KANSL1L: variants seen among roughly 807,000 people sequenced by gnomAD.
The protein encoded by KANSL1L is KAT8 regulatory NSL complex subunit 1 like, also known as KAT8 regulatory NSL complex subunit 1-like protein.
Under a neutral mutation model 108.6 loss-of-function variants are expected in KANSL1L, and 25 were observed. The ratio of observed to expected loss-of-function variants is 0.23; its 90% confidence interval spans 0.17 to 0.32. KANSL1L has a LOEUF of 0.32. Among genes scored for constraint, KANSL1L ranks in the 10% least tolerant of loss-of-function variants. The pLI is 1.00. For synonymous variants in KANSL1L, 405 were observed against 395.1 expected, an observed-to-expected ratio of 1.03 and a Z score of -0.30; for missense variants, 1,137 against 1,125.7, an observed-to-expected ratio of 1.01 and a Z score of -0.14.
chr2:210,040,391 A>C, intron 8 of KANSL1L, 29 bp downstream of exon 8: 1 of 991,580 alleles, frequency 1.0e-6, no homozygotes, highest in Non-Finnish European at 1.6e-6. Flanking sequence ...AAAGGCATAT[A>C]GAGTACAAGA....
At chr2:210,129,246 C>T in intron 2 of KANSL1L, 74 bp from the exon 3 acceptor site, 1 of 1,307,758 alleles carries the variant, frequency 7.6e-7, no homozygotes, top group Non-Finnish European at 1.0e-6. Flanking sequence ...TAATAACTTC[C>T]TTAACTCCCA....
chr2:210,055,542 G>A (rs1353726469), intron 6 of KANSL1L, among the ~76,000 whole-genome samples: 1 of 152,222 alleles, frequency 6.6e-6, no homozygotes, highest in Non-Finnish European at 1.5e-5. Flanking sequence ...ATGTGGGAAA[G>A]TTTGGAACTT....
intron 6 of KANSL1L, among the ~76,000 whole-genome samples, chr2:210,062,534 A>G (rs186146069): frequency 6.6e-6 from 1 of 152,298 alleles, no homozygotes; most frequent in East Asian, 1.9e-4. Flanking sequence ...AACTCCCTAG[A>G]GATTTGTTGG....
intron 1 of KANSL1L, among the ~76,000 whole-genome samples, chr2:210,159,366 C>A (rs1021851096): frequency 2.6e-5 from 4 of 152,182 alleles, no homozygotes; most frequent in African/African-American, 9.7e-5. Flanking sequence ...TCATCAGAGT[C>A]CTTCCCTGAC....
chr2:210,157,823 C>A (rs1438167351), intron 1 of KANSL1L, among the ~76,000 whole-genome samples: 1 of 150,380 alleles, frequency 6.6e-6, no homozygotes, highest in African/African-American at 2.4e-5. Flanking sequence ...CCAGCCTGGG[C>A]AACATGATGA....
At chr2:210,162,222 G>GTATATATATATATA (rs71043976) in intron 1 of KANSL1L, among the ~76,000 whole-genome samples, 5,407 of 107,238 alleles carry the variant, frequency 0.05, 338 homozygotes, top group East Asian at 0.1. Context: ...AGTGGTTCAG[G>GTATATATATATATA]TATATATATA....
intron 3 of KANSL1L, among the ~76,000 whole-genome samples, chr2:210,121,442 T>C (rs1479360668): frequency 6.6e-6 from 1 of 152,010 alleles, no homozygotes. Context: ...GGGAGCTAAA[T>C]GATGAGAGAA....
intron 6 of KANSL1L, among the ~76,000 whole-genome samples, chr2:210,070,043 G>T (rs1349684469): frequency 6.7e-6 from 1 of 150,242 alleles, no homozygotes; most frequent in Admixed American, 6.6e-5. Flanking sequence ...TGGTCAGGCT[G>T]GTTTGGAACT....
intron 12 of KANSL1L, among the ~76,000 whole-genome samples, chr2:210,026,883 G>T (rs1008032673): frequency 6.6e-6 from 1 of 152,036 alleles, no homozygotes; most frequent in African/African-American, 2.4e-5. Context: ...CTATTCTCCT[G>T]CCTCAGCCTC....
intron 3 of KANSL1L, among the ~76,000 whole-genome samples, chr2:210,117,680 T>A (rs1474253846): frequency 6.6e-6 from 1 of 150,624 alleles, no homozygotes; most frequent in Non-Finnish European, 1.5e-5. Flanking sequence ...TTCACTAGAC[T>A]AAGAAAAAAA....
chr2:210,046,686 G>A (rs2094227022), intron 6 of KANSL1L, among the ~76,000 whole-genome samples: 1 of 152,102 alleles, frequency 6.6e-6, no homozygotes, highest in African/African-American at 2.4e-5. Context: ...CAAGCTTGTG[G>A]CTCTTCCAGG....
At chr2:210,161,065 C>T (rs1041476572) in intron 1 of KANSL1L, among the ~76,000 whole-genome samples, 33 of 151,028 alleles carry the variant, frequency 2.2e-4, no homozygotes, top group African/African-American at 7.3e-4. Flanking sequence ...CTCGGCTCAC[C>T]GCAACCTCCG....
intron 3 of KANSL1L, among the ~76,000 whole-genome samples, chr2:210,112,047 T>TA (rs1478953576): frequency 5.9e-5 from 9 of 152,170 alleles, no homozygotes; most frequent in Admixed American, 1.3e-4. Flanking sequence ...TCCATGTCCC[T>TA]ACAAAGGACA....
At chr2:210,146,287 T>TCC (rs1251063175) in intron 2 of KANSL1L, among the ~76,000 whole-genome samples, 1 of 152,166 alleles carries the variant, frequency 6.6e-6, no homozygotes, top group African/African-American at 2.4e-5. Flanking sequence ...ATTTGAGCCC[T>TCC]CCCAAGGCTA....
intron 9 of KANSL1L, chr2:210,031,063 C>T (rs1422260363): frequency 6.0e-6 from 1 of 167,780 alleles, no homozygotes; most frequent in Non-Finnish European, 1.3e-5. Context: ...GCATCAACAT[C>T]TCCACAGTAG....
chr2:210,044,112 G>A lies in KANSL1L; in HGVS notation c.1756-8C>T, dbSNP rs149141093. 1,031 of 1,566,962 alleles carry A rather than the reference G, an allele frequency of 6.6e-4. 8 individuals are homozygous for A. The African/African-American group carries it at 0.012, about 19-fold the overall frequency. On this transcript the variant is annotated splice_region_variant and splice_polypyrimidine_tract_variant and intron_variant, in intron 6 of 14. Coordinates refer to ENST00000281772, the MANE Select transcript of KANSL1L (RefSeq NM_152519.4). The surrounding 1 kb of genome is among the most constrained non-coding windows in gnomAD (Gnocchi z 4.2). ...TTCTTTTGAAGGCAAAGTCTGCAAG[G>A]AAAAACCGTATTAGAATATCACAGC...
At chr2:210,117,714 G>A (rs1203187953) in intron 3 of KANSL1L, among the ~76,000 whole-genome samples, 5 of 151,872 alleles carry the variant, frequency 3.3e-5, no homozygotes, top group African/African-American at 1.2e-4. Flanking sequence ...AAATAAAATT[G>A]CAAATAAAAA....
intron 5 of KANSL1L, among the ~76,000 whole-genome samples, chr2:210,093,168 CAG>C (rs747536254): frequency 9.9e-5 from 15 of 152,112 alleles, no homozygotes; most frequent in Non-Finnish European, 1.9e-4. Flanking sequence ...GTTTTTGAGA[CAG>C]AGTCTCACTC....
chr2:210,082,137 T>A (rs2094595472), intron 5 of KANSL1L, among the ~76,000 whole-genome samples: 1 of 152,186 alleles, frequency 6.6e-6, no homozygotes, highest in African/African-American at 2.4e-5. Context: ...CTCGTCAAAT[T>A]TCTTGGATGG....
Sources: allele counts gnomAD v4.1 joint callset (sites outside exome capture counted in the v4.1 genomes callset), GRCh38; gene constraint gnomAD v4.1.1; non-coding constraint Gnocchi (gnomAD v3.1); transcripts MANE v1.5; gene names NCBI Gene and HGNC (gene_info 2026-07-23, HGNC 2026-07-21).